The following CYTH4 variants were observed in gnomAD, a reference collection of about 807,000 sequenced individuals.
The protein encoded by CYTH4 is cytohesin-4.
CYTH4 carries 22 observed loss-of-function variants against 57.5 expected under a neutral mutation model. The observed-to-expected ratio is 0.38, with a 90% CI of 0.27 to 0.55. The LOEUF (loss-of-function observed/expected upper bound fraction) is 0.55. Ranked by LOEUF, CYTH4 falls within the 20% of genes least tolerant of loss-of-function variation. The pLI, the probability that CYTH4 is intolerant of heterozygous loss-of-function variation, is 0.74. For missense variants in CYTH4, 420 were observed against 535.6 expected (o/e 0.78, Z 2.13); for synonymous variants, 186 against 206.5 (o/e 0.90, Z 0.85).
chr22:37,292,521 C>A lies in CYTH4; in HGVS notation c.20-100C>A, dbSNP rs1928783099. 4.9e-6 allele frequency: 6 copies of A among 1,231,716 alleles called. No individual in the cohort carries two copies. The South Asian group carries it at 5.2e-5, about 11-fold the overall frequency. 76.3% of individuals were successfully genotyped at this position (1,231,716 alleles called of 1,614,324 possible). A position where few individuals can be genotyped will look rare whatever the true frequency, so the allele number is the denominator to read the frequency against. ...AGGAGGTGGGCCTCTGTGAATAGGG[C>A]AAGTCCTGGGTTTCCGGAGGGAAGG... On this transcript the variant is annotated intron_variant, in intron 1 of 12. Transcript: ENST00000248901.
rs1434362164 is a variant in CYTH4, at chr22:37,295,871, G to A, written c.168-128G>A. The A allele has an allele frequency of 5.3e-6, 5 of 942,748 alleles. No homozygotes were observed. In the Admixed American group the frequency reaches 1.0e-4, roughly 20 times the overall value. 58.4% of individuals were successfully genotyped at this position (942,748 alleles called of 1,614,324 possible). ...CTCCCGCCCAGGTGGTTCCCATGCA[G>A]GACCCGGAGGCCACACTTGGAGGGC... On this transcript the variant is annotated intron_variant, in intron 3 of 12. Coordinates refer to ENST00000248901, the MANE Select transcript of CYTH4 (RefSeq NM_013385.5). The surrounding 1 kb of genome is among the most constrained non-coding windows in gnomAD (Gnocchi z 4.1).
chr22:37,292,173 A>C (rs1386386229), intron 1 of CYTH4: 1 of 158,002 alleles, frequency 6.3e-6, no homozygotes, highest in African/African-American at 2.4e-5. Flanking sequence ...CAAATAAATA[A>C]GTGAATAAAT....
intron 12 of CYTH4, among the ~76,000 whole-genome samples, chr22:37,312,577 C>A (rs548120969): frequency 6.6e-6 from 1 of 152,306 alleles, no homozygotes; most frequent in South Asian, 2.1e-4. Context: ...ATGTGGGCAA[C>A]CAGCAGGCGG....
chr22:37,312,293 G>A lies in CYTH4; in HGVS notation c.1112+119G>A, dbSNP rs754582125. The stretch of plus-strand genomic sequence containing the variant: ...ACTCCAGTCTCTCCCTCCTGTTTCT[G>A]GCTGGCAAACCCCTTCCACCCGTAT... On this transcript the variant is annotated intron_variant, in intron 12 of 12. Coordinates refer to ENST00000248901, the MANE Select transcript of CYTH4 (RefSeq NM_013385.5). The A allele has an allele frequency of 3.6e-6, 5 of 1,401,858 alleles. No homozygotes were observed. In the African/African-American group the frequency reaches 7.2e-5, roughly 20 times the overall value. The allele number at this position is 1,401,858 out of a possible 1,614,324, so 86.8% of individuals were successfully genotyped here.
At chr22:37,313,392 CT>C (rs1266388496) in intron 12 of CYTH4, 46 bp from the exon 13 acceptor site, 4 of 1,590,268 alleles carry the variant, frequency 2.5e-6, no homozygotes, top group Non-Finnish European at 3.5e-6. Flanking sequence ...AGCAGACCAC[CT>C]TGACGGCCAG....
chr22:37,297,743 T>C, intron 5 of CYTH4, 61 bp downstream of exon 5: 1 of 1,400,804 alleles, frequency 7.1e-7, no homozygotes, highest in Non-Finnish European at 1.0e-6. Flanking sequence ...TGTACAGGTG[T>C]GTGGATGTGC....
At position 37,295,575 on chromosome 22, in the gene CYTH4, G is replaced by A. The variant is rs1165552940; in HGVS notation, c.168-424G>A. 1.3e-5 allele frequency among the ~76,000 whole-genome samples: 2 copies of A among 152,154 alleles called. No homozygotes were observed. Among genetic ancestry groups the A allele is most frequent in the Non-Finnish European group, 2.9e-5 (2 of 68,026 alleles). On this transcript the variant is annotated intron_variant, in intron 3 of 12. Coordinates refer to ENST00000248901, the MANE Select transcript of CYTH4 (RefSeq NM_013385.5). This position sits in a 1 kb window ranked among gnomAD's most constrained non-coding sequence, Gnocchi z 4.1. ...CAACAATGCTGGGAGGCAGGTGGTG[G>A]TATCACCTCCATTTTATAGATGAGG...
rs56106108 is a variant in CYTH4 at position 37,282,530 on chromosome 22, C to T, written c.-40C>T. On this transcript the variant is annotated 5_prime_UTR_variant, in exon 1 of 13. Coordinates refer to ENST00000248901, the MANE Select transcript of CYTH4 (RefSeq NM_013385.5). ...CCCGAACAGCAGCTGGGTCGGCAAG[C>T]GACAGGAGCACGGGTCATCTTTTCC... The T allele has an allele frequency of 8.1e-6, 13 of 1,612,866 alleles. No homozygotes were observed. The highest frequency in any genetic ancestry group is 4.0e-5 in the African/African-American group (3 of 74,862).
Position 37,295,920 on chromosome 22 carries a change from T to C in CYTH4, c.168-79T>C. The C allele has an allele frequency of 6.7e-7, 1 of 1,486,498 alleles. No homozygotes were observed. The highest frequency in any genetic ancestry group is 1.7e-4 in the Middle Eastern group (1 of 5,856). 92.1% of individuals were successfully genotyped at this position (1,486,498 alleles called of 1,614,324 possible). ...GCCCTAGAGGGGTATGGGCTCCTGC[T>C]GAGGCAAGGGTCCTTGGGGAGTGGA... On this transcript the variant is annotated intron_variant, in intron 3 of 12. Coordinates refer to ENST00000248901, the MANE Select transcript of CYTH4 (RefSeq NM_013385.5). The surrounding 1 kb of genome is among the most constrained non-coding windows in gnomAD (Gnocchi z 4.1).
rs1466599949 is a variant in CYTH4, at chr22:37,306,794, TGGCCC to T, written c.697-2413_697-2409del. On this transcript the variant is annotated intron_variant, in intron 8 of 12. Transcript: ENST00000248901. ...CAGCTCTGCCCAGGTGTGGCAGAGA[TGGCCC>T]GGCCTTCCCGTGCCCTCACAGTCCT... Among the ~76,000 whole-genome samples, 3 of 152,234 alleles carry T rather than the reference TGGCCC, an allele frequency of 2.0e-5. No individual in the cohort carries two copies. The South Asian group carries it at 6.2e-4, about 31-fold the overall frequency.
intron 4 of CYTH4, 138 bp downstream of exon 4, chr22:37,296,203 G>A (rs906300739): frequency 1.1e-6 from 1 of 925,152 alleles, no homozygotes; most frequent in Admixed American, 2.6e-5. Context: ...TGAGCATCTT[G>A]TCCAGTGCCC....
At chr22:37,300,785 G>C in intron 6 of CYTH4, 122 bp from the exon 7 acceptor site, 3 of 766,736 alleles carry the variant, frequency 3.9e-6, no homozygotes, top group Non-Finnish European at 6.4e-6. Context: ...CAGCCCAGAT[G>C]ACAGTTGCAG....
intron 2 of CYTH4, among the ~76,000 whole-genome samples, chr22:37,293,286 A>G (rs1394823607): frequency 1.3e-5 from 2 of 152,346 alleles, no homozygotes; most frequent in African/African-American, 4.8e-5. Flanking sequence ...ATGAAGGCAC[A>G]AAATTATTCA....
At chr22:37,299,496 A>T (rs150905976) in intron 6 of CYTH4, among the ~76,000 whole-genome samples, 190 bp downstream of exon 6, 2 of 152,384 alleles carry the variant, frequency 1.3e-5, no homozygotes, top group Non-Finnish European at 2.9e-5. Flanking sequence ...GAAAGGGCCT[A>T]GTTCCTTGCA....
intron 5 of CYTH4, 141 bp downstream of exon 5, chr22:37,297,823 T>C (rs1186617669): frequency 1.5e-6 from 1 of 671,686 alleles, no homozygotes; most frequent in Non-Finnish European, 2.6e-6. Context: ...GATCATCCCC[T>C]CCAGATTCTG....
intron 4 of CYTH4, 83 bp from the exon 5 acceptor site, chr22:37,297,481 C>T: frequency 8.1e-7 from 1 of 1,238,806 alleles, no homozygotes; most frequent in Non-Finnish European, 1.2e-6. Flanking sequence ...AGGATTCTGG[C>T]CATGGAAGCT....
chr22:37,285,887 G>A (rs1928539819), intron 1 of CYTH4, among the ~76,000 whole-genome samples: 1 of 152,192 alleles, frequency 6.6e-6, no homozygotes. Context: ...TGTGGGTTCA[G>A]ATGCTTTGAC....
In CYTH4 at chr22:37,299,301, C is replaced by A. The variant is rs1929094884; in HGVS notation, c.429C>A (p.Ala143=). ...HEFANLNLVQ[A]LRQFLWSFRL... ...TCGCCAACCTCAACCTCGTCCAGGC[C>A]CTCAGGTGAGTAGTCCTGGGGCAGG... The change falls in exon 6 of 13, where the codon GCC becomes GCA. Residue 143 remains alanine (A), a synonymous_variant. Coordinates refer to ENST00000248901, the MANE Select transcript of CYTH4 (RefSeq NM_013385.5). 6.2e-7 allele frequency: 1 copy of A among 1,613,996 alleles called. No homozygotes were observed. The highest frequency in any genetic ancestry group is 1.3e-5 in the African/African-American group (1 of 74,942).
chr22:37,301,166 A>G (rs1929164505), intron 7 of CYTH4, 147 bp downstream of exon 7: 1 of 652,044 alleles, frequency 1.5e-6, no homozygotes, highest in African/African-American at 1.8e-5. Flanking sequence ...CACTGACTTC[A>G]TTGCTGCTGG....
Sources: allele counts gnomAD v4.1 joint callset (sites outside exome capture counted in the v4.1 genomes callset), GRCh38; gene constraint gnomAD v4.1.1; non-coding constraint Gnocchi (gnomAD v3.1); transcripts MANE v1.5; gene names NCBI Gene and HGNC (gene_info 2026-07-23, HGNC 2026-07-21).